The following LCMT1 variants were observed in gnomAD, a reference collection of about 807,000 sequenced individuals.
LCMT1 encodes the protein leucine carboxyl methyltransferase 1, also known as [Phosphatase 2A protein]-leucine-carboxy methyltransferase 1.
LCMT1 carries 32 observed loss-of-function variants against 47.7 expected under a neutral mutation model. The ratio of observed to expected loss-of-function variants is 0.67; its 90% CI spans 0.51 to 0.90. LCMT1 has a LOEUF of 0.90. Among genes scored for constraint, LCMT1 ranks in the 40% least tolerant of loss-of-function variants. LCMT1 has a pLI of 0.00. For missense variants in LCMT1, 375 were observed against 415.2 expected (o/e 0.90, Z 0.84); for synonymous variants, 152 against 149.7 (o/e 1.02, Z -0.11).
At chr16:25,175,935 A>G (rs898966040) in intron 10 of LCMT1, among the ~76,000 whole-genome samples, 3 of 152,222 alleles carry the variant, frequency 2.0e-5, no homozygotes, top group Non-Finnish European at 4.4e-5. Flanking sequence ...GAGTTCCCAC[A>G]GCTGGAAGGT....
chr16:25,163,690 T>C (rs1961500991), intron 6 of LCMT1, among the ~76,000 whole-genome samples: 2 of 152,144 alleles, frequency 1.3e-5, no homozygotes, highest in African/African-American at 4.8e-5. Context: ...TTTGAAGAAG[T>C]GCCGGGAAGC....
chr16:25,124,281 C>T (rs538232617), intron 1 of LCMT1, among the ~76,000 whole-genome samples: 51 of 152,252 alleles, frequency 3.3e-4, no homozygotes, highest in Non-Finnish European at 5.1e-4. Flanking sequence ...ACATGACTTA[C>T]GTGTACATGT....
intron 4 of LCMT1, chr16:25,146,471 T>C: frequency 6.6e-6 from 1 of 152,444 alleles, no homozygotes; most frequent in Non-Finnish European, 1.5e-5. Context: ...ATTGGCTCCA[T>C]CCAAGGTTGG....
rs763524422 is a variant in LCMT1 at position 25,151,693 on chromosome 16, T to TGTGTGTGTGTG, written c.466+78_466+79insGTGTGTGTGTG. 12 of 576,044 alleles carry TGTGTGTGTGTG rather than the reference T, an allele frequency of 2.1e-5. 1 individual carries two copies. Among genetic ancestry groups the TGTGTGTGTGTG allele is most frequent in the Non-Finnish European group, 3.1e-5 (11 of 359,648 alleles). 35.7% of individuals were successfully genotyped at this position (576,044 alleles called of 1,614,324 possible). On this transcript the variant is annotated intron_variant, in intron 5 of 10. Coordinates refer to ENST00000399069, the MANE Select transcript of LCMT1 (RefSeq NM_016309.3). ...CCCCTTTTTGAAGATGGGGTTTGTG[T>TGTGTGTGTGTG]TGGGTGTGTGTGTGTGTGTGTGTGT...
At chr16:25,176,646 C>A (rs915749920) in intron 10 of LCMT1, among the ~76,000 whole-genome samples, 2 of 135,158 alleles carry the variant, frequency 1.5e-5, no homozygotes, top group Non-Finnish European at 1.5e-5. Context: ...ACTGCAACCT[C>A]CGCCTCCTGG....
chr16:25,164,776 C>G lies in LCMT1; in HGVS notation c.690+58C>G, dbSNP rs538583081. The G allele has an allele frequency of 3.1e-6, 5 of 1,609,208 alleles. No homozygotes were observed. In the African/African-American group the frequency reaches 5.3e-5, roughly 17 times the overall value. ...ACAGGATCGCCGTGGTGGCTTCCCT[C>G]TCCCAGCACCCTTAGGATAACTTCC... On this transcript the variant is annotated intron_variant, in intron 7 of 10. Transcript: ENST00000399069.
chr16:25,173,579 CAT>C (rs754563258), intron 9 of LCMT1, among the ~76,000 whole-genome samples: 12 of 152,218 alleles, frequency 7.9e-5, no homozygotes, highest in Non-Finnish European at 1.2e-4. Context: ...TGGCAGGATT[CAT>C]ATGTTAGCAG....
At chr16:25,126,215 T>G in intron 1 of LCMT1, 2 of 1,202,314 alleles carry the variant, frequency 1.7e-6, no homozygotes, top group Middle Eastern at 2.5e-4. Flanking sequence ...CTCACCACTC[T>G]CTACCACTGT....
At chr16:25,166,636 A>G (rs1162489803) in intron 7 of LCMT1, among the ~76,000 whole-genome samples, 2 of 151,750 alleles carry the variant, frequency 1.3e-5, no homozygotes, top group African/African-American at 2.4e-5. Flanking sequence ...TATTTTTTAA[A>G]TCTCCTTTTC....
At chr16:25,115,884 G>T (rs796567306) in intron 1 of LCMT1, among the ~76,000 whole-genome samples, 1 of 152,278 alleles carries the variant, frequency 6.6e-6, no homozygotes, top group South Asian at 2.1e-4. Context: ...CACCATGTTG[G>T]TCAGGCTGGT....
At chr16:25,137,856 A>G (rs958181286) in intron 3 of LCMT1, among the ~76,000 whole-genome samples, 2 of 152,034 alleles carry the variant, frequency 1.3e-5, no homozygotes, top group South Asian at 2.1e-4. Flanking sequence ...GTTTGCTCTT[A>G]AGGGTCATTC....
chr16:25,116,717 CAAA>C (rs61022139), intron 1 of LCMT1, among the ~76,000 whole-genome samples: 2 of 63,510 alleles, frequency 3.1e-5, no homozygotes, highest in Non-Finnish European at 3.5e-5. Context: ...CTCCTCTCCA[CAAA>C]AAAAAAAAAA....
intron 9 of LCMT1, 149 bp downstream of exon 9, chr16:25,170,954 G>C (rs1443618144): frequency 7.2e-6 from 4 of 551,742 alleles, no homozygotes; most frequent in African/African-American, 1.9e-5. Flanking sequence ...AACAAGGCCA[G>C]GCACGGTGGC....
At chr16:25,124,267 C>G (rs966494497) in intron 1 of LCMT1, among the ~76,000 whole-genome samples, 1 of 152,140 alleles carries the variant, frequency 6.6e-6, no homozygotes, top group African/African-American at 2.4e-5. Context: ...CATCTTTAAG[C>G]AACACATGAC....
intron 3 of LCMT1, among the ~76,000 whole-genome samples, chr16:25,135,356 G>A (rs1960475084): frequency 1.3e-5 from 2 of 151,512 alleles, no homozygotes; most frequent in African/African-American, 4.9e-5. Flanking sequence ...TGTAGCCCAG[G>A]GCCAAATCTG....
intron 1 of LCMT1, among the ~76,000 whole-genome samples, chr16:25,126,834 T>C (rs547991478): frequency 1.3e-5 from 2 of 152,330 alleles, no homozygotes; most frequent in East Asian, 3.9e-4. Flanking sequence ...GCCTTGGTTC[T>C]TGCACGGGAT....
intron 5 of LCMT1, among the ~76,000 whole-genome samples, chr16:25,159,333 G>T (rs756470799): frequency 2.6e-5 from 4 of 152,204 alleles, no homozygotes; most frequent in Non-Finnish European, 2.9e-5. Flanking sequence ...GCAGAGGCAC[G>T]ATCATAGCTC....
At chr16:25,153,751 G>A (rs1307286607) in intron 5 of LCMT1, among the ~76,000 whole-genome samples, 1 of 152,104 alleles carries the variant, frequency 6.6e-6, no homozygotes, top group African/African-American at 2.4e-5. Flanking sequence ...TCAGGGGTTC[G>A]AGACCAGCCT....
chr16:25,118,025 G>T (rs1416317530), intron 1 of LCMT1, among the ~76,000 whole-genome samples: 1 of 152,036 alleles, frequency 6.6e-6, no homozygotes, highest in Non-Finnish European at 1.5e-5. Context: ...TGCCGTCTGT[G>T]ATCTGAACTA....
Sources: gnomAD v4.1 joint callset for allele counts (sites outside exome capture counted in the v4.1 genomes callset) on GRCh38, gnomAD v4.1.1 for gene constraint, MANE v1.5 for transcripts, NCBI Gene and HGNC (gene_info 2026-07-23, HGNC 2026-07-21) for gene names.